INPP4B: variants seen among roughly 807,000 people sequenced by gnomAD.
INPP4B encodes the protein inositol polyphosphate-4-phosphatase type II B.
In INPP4B, 55 loss-of-function variants were observed where a neutral mutation model predicts 122.5. The observed-to-expected ratio is 0.45, with a 90% CI of 0.36 to 0.56. The LOEUF is 0.56. Ranked by LOEUF, INPP4B falls within the 20% of genes least tolerant of loss-of-function variation. INPP4B has a pLI of 0.00. For missense variants in INPP4B, 1,000 were observed against 1,097.7 expected, an observed-to-expected ratio of 0.91 and a Z score of 1.26; for synonymous variants, 403 against 388.7, an observed-to-expected ratio of 1.04 and a Z score of -0.43.
At chr4:142,105,781 C>T (rs948351838) in intron 23 of INPP4B, among the ~76,000 whole-genome samples, 1 of 152,078 alleles carries the variant, frequency 6.6e-6, no homozygotes, top group Admixed American at 6.6e-5. Flanking sequence ...ATTAACCTAT[C>T]CTTTAACATT....
At chr4:142,392,352 AG>A (rs1460177859) in intron 7 of INPP4B, among the ~76,000 whole-genome samples, 1 of 152,236 alleles carries the variant, frequency 6.6e-6, no homozygotes, top group Non-Finnish European at 1.5e-5. Flanking sequence ...TATGAACAAT[AG>A]AAATGAAAAG....
chr4:142,211,999 T>C (rs1020741063), intron 12 of INPP4B, among the ~76,000 whole-genome samples: 1 of 152,118 alleles, frequency 6.6e-6, no homozygotes, highest in African/African-American at 2.4e-5. Flanking sequence ...AGGCTCACCA[T>C]TGAGCAAGTG....
At chr4:142,189,373 G>C (rs143293852) in intron 15 of INPP4B, among the ~76,000 whole-genome samples, 1 of 152,270 alleles carries the variant, frequency 6.6e-6, no homozygotes, top group East Asian at 1.9e-4. Flanking sequence ...TCCAATGCCT[G>C]TTGTATTTGA....
chr4:142,739,765 AC>A (rs1561017092), intron 1 of INPP4B, among the ~76,000 whole-genome samples: 1 of 152,044 alleles, frequency 6.6e-6, no homozygotes, highest in South Asian at 2.1e-4. Flanking sequence ...AAAAAATAAT[AC>A]GTTATTTTAA....
intron 23 of INPP4B, among the ~76,000 whole-genome samples, chr4:142,087,927 G>C (rs1056649831): frequency 2.6e-5 from 4 of 152,130 alleles, no homozygotes; most frequent in Admixed American, 2.0e-4. Flanking sequence ...ATAGAGGAAG[G>C]TTGGGTACAA....
intron 2 of INPP4B, chr4:142,560,327 T>G (rs1402345135): frequency 6.6e-6 from 1 of 152,202 alleles, no homozygotes; most frequent in Non-Finnish European, 1.5e-5. Flanking sequence ...TCTGTGGAAT[T>G]TAAGATACTT....
chr4:142,146,075 G>A, intron 17 of INPP4B, 79 bp from the exon 18 acceptor site: 1 of 1,459,462 alleles, frequency 6.9e-7, no homozygotes, highest in South Asian at 1.3e-5. Context: ...CTATTTTAGA[G>A]AAGCATTTGG....
rs891253617 is a variant in INPP4B, at chr4:142,530,310, T to C, written c.-190-67584A>G. ...CTAGGAGAGAATCAATTCTCTGTTT[T>C]TTCCAGCTTCTAGAAAACATCAATT... On this transcript the variant is annotated intron_variant, in intron 2 of 25. Coordinates refer to ENST00000262992, the MANE Select transcript of INPP4B (RefSeq NM_001101669.3). 2.0e-4 allele frequency among the ~76,000 whole-genome samples: 31 copies of C among 152,038 alleles called. 1 individual carries two copies. The highest frequency in any genetic ancestry group is 7.2e-4 in the African/African-American group (30 of 41,392).
At chr4:142,488,721 A>G (rs1821486509) in intron 2 of INPP4B, among the ~76,000 whole-genome samples, 2 of 152,058 alleles carry the variant, frequency 1.3e-5, no homozygotes. Context: ...TATCTTTAGC[A>G]TATTTGTCTT....
chr4:142,467,704 A>G (rs1401761348), intron 2 of INPP4B, among the ~76,000 whole-genome samples: 1 of 152,158 alleles, frequency 6.6e-6, no homozygotes, highest in Non-Finnish European at 1.5e-5. Context: ...TGAGAAAGAC[A>G]TGAGATTTCG....
chr4:142,459,756 C>A (rs1816321172), intron 3 of INPP4B, among the ~76,000 whole-genome samples: 2 of 152,104 alleles, frequency 1.3e-5, no homozygotes, highest in African/African-American at 4.8e-5. Context: ...TGCGTCCTAG[C>A]ACTGTTAGTT....
At chr4:142,413,960 A>C (rs1805134027) in intron 5 of INPP4B, among the ~76,000 whole-genome samples, 1 of 152,134 alleles carries the variant, frequency 6.6e-6, no homozygotes, top group Non-Finnish European at 1.5e-5. Context: ...GGATGAATCT[A>C]ATACCATGGG....
intron 2 of INPP4B, among the ~76,000 whole-genome samples, chr4:142,564,514 T>C (rs1210168869): frequency 7.0e-6 from 1 of 142,676 alleles, no homozygotes; most frequent in Non-Finnish European, 1.5e-5. Context: ...AACCAGACCA[T>C]GGAAGACTGG....
chr4:142,599,731 CA>C (rs1031817971), intron 2 of INPP4B, among the ~76,000 whole-genome samples: 5 of 151,260 alleles, frequency 3.3e-5, no homozygotes, highest in African/African-American at 4.9e-5. Context: ...ACTTATCATA[CA>C]AAAAAATCTC....
At chr4:142,341,485 C>G (rs1186294446) in intron 7 of INPP4B, among the ~76,000 whole-genome samples, 1 of 152,036 alleles carries the variant, frequency 6.6e-6, no homozygotes, top group Non-Finnish European at 1.5e-5. Flanking sequence ...TTACTTAATA[C>G]AGCAGAGAGA....
intron 2 of INPP4B, among the ~76,000 whole-genome samples, chr4:142,719,393 G>A (rs573966216): frequency 1.8e-4 from 27 of 151,484 alleles, no homozygotes; most frequent in Non-Finnish European, 3.1e-4. Context: ...GTGTGACCAC[G>A]GCTCCCTGCT....
chr4:142,812,842 G>A (rs1779674136), intron 1 of INPP4B, among the ~76,000 whole-genome samples: 1 of 152,116 alleles, frequency 6.6e-6, no homozygotes, highest in Admixed American at 6.6e-5. Context: ...GTAAAAGCAT[G>A]ACAATCCTTT....
intron 8 of INPP4B, among the ~76,000 whole-genome samples, chr4:142,306,229 G>GTTTT (rs5862582): frequency 5.9e-5 from 8 of 135,904 alleles, no homozygotes; most frequent in African/African-American, 8.1e-5. Flanking sequence ...ACTCCAAATT[G>GTTTT]TTTTTTTTTT....
chr4:142,268,215 C>T (rs939193431), intron 10 of INPP4B, among the ~76,000 whole-genome samples: 2 of 147,626 alleles, frequency 1.4e-5, no homozygotes, highest in South Asian at 2.2e-4. Context: ...CCCAGCTACT[C>T]GGGAGGCTGG....
Sources: gnomAD v4.1 joint callset for allele counts (sites outside exome capture counted in the v4.1 genomes callset) on GRCh38, gnomAD v4.1.1 for gene constraint, MANE v1.5 for transcripts, NCBI Gene and HGNC (gene_info 2026-07-23, HGNC 2026-07-21) for gene names.